Variants in NRG3 observed in about 807,000 individuals in gnomAD.
NRG3 encodes neuregulin 3, also known as pro-neuregulin-3, membrane-bound isoform.
Under a neutral mutation model 66.9 loss-of-function variants are expected in NRG3, and 31 were observed. That is an observed-to-expected ratio of 0.46 (90% CI 0.35 to 0.63). NRG3 has a LOEUF of 0.63. Among genes scored for constraint, NRG3 ranks in the 20% least tolerant of loss-of-function variants. The probability of loss-of-function intolerance (pLI) is 0.00; values close to 1 mark genes in which losing one functional copy is unlikely to be tolerated. For missense variants in NRG3, 910 were observed against 878.9 expected, an observed-to-expected ratio of 1.04 and a Z score of -0.45; for synonymous variants, 393 against 359.4, an observed-to-expected ratio of 1.09 and a Z score of -1.06.
rs191529153 is a variant in NRG3, at chr10:81,984,240, G to A, written c.823+108077G>A. ...TTGTTATTTTAAGCCACTGAAGGTT[G>A]TGGTACTTTGTCATAGCAGCAACAG... On this transcript the variant is annotated intron_variant, in intron 1 of 8. Coordinates refer to ENST00000372141, the MANE Select transcript of NRG3 (RefSeq NM_001010848.4). Among the ~76,000 whole-genome samples, 262 of 152,288 alleles carry A rather than the reference G, an allele frequency of 1.7e-3. 2 individuals are homozygous for A. Among genetic ancestry groups the A allele is most frequent in the African/African-American group, 5.2e-3 (216 of 41,558 alleles).
intron 1 of NRG3, among the ~76,000 whole-genome samples, chr10:82,104,104 G>A (rs982277568): frequency 5.9e-5 from 9 of 151,282 alleles, no homozygotes; most frequent in Admixed American, 4.6e-4. Context: ...CAATTTTTTT[G>A]ACTTTTGTCT....
chr10:82,277,301 G>T (rs1043801317), intron 1 of NRG3, among the ~76,000 whole-genome samples: 18 of 152,028 alleles, frequency 1.2e-4, no homozygotes, highest in Non-Finnish European at 2.1e-4. Flanking sequence ...CTGGAACAGA[G>T]CTTGCTGATA....
chr10:82,156,607 A>G (rs1409919139), intron 1 of NRG3, among the ~76,000 whole-genome samples: 1 of 151,698 alleles, frequency 6.6e-6, no homozygotes, highest in Non-Finnish European at 1.5e-5. Flanking sequence ...TGTCTGTAAA[A>G]AAAAGAAATT....
intron 2 of NRG3, among the ~76,000 whole-genome samples, chr10:82,561,473 G>A (rs528834064): frequency 4.6e-5 from 7 of 152,088 alleles, no homozygotes; most frequent in South Asian, 2.1e-4. Context: ...GTAACATGGC[G>A]AAACCTCGCC....
At chr10:82,647,232 C>T (rs988822874) in intron 2 of NRG3, among the ~76,000 whole-genome samples, 8 of 151,988 alleles carry the variant, frequency 5.3e-5, no homozygotes, top group Non-Finnish European at 8.8e-5. Context: ...TCAATTCCCA[C>T]CTATGAGTGA....
chr10:82,577,846 T>A (rs2046121360), intron 2 of NRG3, among the ~76,000 whole-genome samples: 1 of 151,848 alleles, frequency 6.6e-6, no homozygotes, highest in Admixed American at 6.6e-5. Context: ...TTTCTTCCTC[T>A]CAACAATTTA....
Position 82,966,913 on chromosome 10 carries a change from A to G in NRG3, c.1285-6875A>G, listed in dbSNP as rs117863180. Among the ~76,000 whole-genome samples, 270 of 151,874 alleles carry G rather than the reference A, an allele frequency of 1.8e-3. 8 individuals are homozygous for G. In the East Asian group the frequency reaches 0.045, roughly 25 times the overall value. On this transcript the variant is annotated intron_variant, in intron 6 of 8. Transcript: ENST00000372141. ...TTAACATTATGTATCAATTCACTGT[A>G]AGTTTTCAGGGTTTTTTTTTGTTGT...
chr10:82,104,321 A>C (rs1177332109), intron 1 of NRG3, among the ~76,000 whole-genome samples: 1 of 152,168 alleles, frequency 6.6e-6, no homozygotes, highest in Non-Finnish European at 1.5e-5. Flanking sequence ...GCTTAATAGG[A>C]GAATACTGGG....
At position 82,337,888 on chromosome 10, in the gene NRG3, G is replaced by T. The variant is rs7072290; in HGVS notation, c.824-20851G>T. 4.5e-3 allele frequency among the ~76,000 whole-genome samples: 682 copies of T among 152,158 alleles called. 2 individuals are homozygous for T. The highest frequency in any genetic ancestry group is 0.015 in the African/African-American group (641 of 41,522). ...CTTTACTCATAAAAATGAATAATAA[G>T]TAATATTTTAATCATATTACATAAA... On this transcript the variant is annotated intron_variant, in intron 1 of 8. Coordinates refer to ENST00000372141, the MANE Select transcript of NRG3 (RefSeq NM_001010848.4).
intron 2 of NRG3, among the ~76,000 whole-genome samples, chr10:82,567,692 C>A (rs138659441): frequency 1.3e-3 from 199 of 152,034 alleles, no homozygotes; most frequent in African/African-American, 4.6e-3. Context: ...CTCCTTCTTG[C>A]CATCTCTAGG....
chr10:82,980,717 C>T (rs539655200), intron 8 of NRG3, among the ~76,000 whole-genome samples: 1 of 152,160 alleles, frequency 6.6e-6, no homozygotes, highest in South Asian at 2.1e-4. Context: ...GAAGCAATTC[C>T]AAATGGACTG....
intron 1 of NRG3, among the ~76,000 whole-genome samples, chr10:82,314,057 T>C (rs2135025104): frequency 6.6e-6 from 1 of 152,314 alleles, no homozygotes; most frequent in African/African-American, 2.4e-5. Flanking sequence ...ATTTAGTTCA[T>C]GGGTAAAGTA....
chr10:82,198,350 A>G (rs1332515326), intron 1 of NRG3, among the ~76,000 whole-genome samples: 2 of 152,188 alleles, frequency 1.3e-5, no homozygotes, highest in African/African-American at 4.8e-5. Flanking sequence ...GTGAGGTAGA[A>G]CAAAATAAAA....
intron 3 of NRG3, among the ~76,000 whole-genome samples, chr10:82,855,288 C>T (rs1183076564): frequency 6.6e-6 from 1 of 152,130 alleles, no homozygotes; most frequent in Non-Finnish European, 1.5e-5. Context: ...CATATATAAA[C>T]ACATGGCTGT....
At chr10:82,123,005 GA>G (rs34900819) in intron 1 of NRG3, among the ~76,000 whole-genome samples, 13,323 of 147,672 alleles carry the variant, frequency 0.09, 758 homozygotes, top group South Asian at 0.14. Context: ...CTTTGGCAGT[GA>G]AAAAAAAAAA....
At chr10:82,230,197 C>G (rs2076390537) in intron 1 of NRG3, 2 of 152,162 alleles carry the variant, frequency 1.3e-5, no homozygotes, top group Non-Finnish European at 2.9e-5. Context: ...CCGTCAATAT[C>G]CTAATCCACT....
intron 2 of NRG3, among the ~76,000 whole-genome samples, chr10:82,535,300 C>G (rs1433204922): frequency 6.6e-6 from 1 of 151,572 alleles, no homozygotes; most frequent in Admixed American, 6.6e-5. Flanking sequence ...AGTGGGCTAA[C>G]TGTCATGTCG....
chr10:82,449,730 T>C (rs530948960), intron 2 of NRG3, among the ~76,000 whole-genome samples: 1 of 152,164 alleles, frequency 6.6e-6, no homozygotes. Flanking sequence ...GGTCGCAGGC[T>C]GTCATTCCCT....
chr10:82,740,567 T>A (rs1332205634), intron 3 of NRG3, among the ~76,000 whole-genome samples: 4 of 152,054 alleles, frequency 2.6e-5, no homozygotes, highest in African/African-American at 9.7e-5. Flanking sequence ...GCACGGTGGT[T>A]CATGCCTATA....
Sources: gnomAD v4.1 joint callset for allele counts (sites outside exome capture counted in the v4.1 genomes callset) on GRCh38, gnomAD v4.1.1 for gene constraint, MANE v1.5 for transcripts, NCBI Gene and HGNC (gene_info 2026-07-23, HGNC 2026-07-21) for gene names.